Variants in BAAT observed in about 807,000 individuals in gnomAD.
BAAT encodes bile acid CoA: amino acid N-acyltransferase (glycine N-choloyltransferase).
BAAT carries 13 observed loss-of-function variants against 18.9 expected under a neutral mutation model. The ratio of observed to expected loss-of-function variants is 0.69; its 90% confidence interval spans 0.45 to 1.10. The LOEUF is 1.10. BAAT is among the 50% of genes least tolerant of loss of function. The pLI is 0.00. For synonymous variants in BAAT, 170 were observed against 190.7 expected, an observed-to-expected ratio of 0.89 and a Z score of 0.89; for missense variants, 489 against 504.0, an observed-to-expected ratio of 0.97 and a Z score of 0.28.
intron 2 of BAAT, among the ~76,000 whole-genome samples, chr9:101,369,095 G>A (rs1359907012): frequency 6.6e-6 from 1 of 152,084 alleles, no homozygotes. Flanking sequence ...CTCTGTATAG[G>A]CAGCTTTTTT....
At chr9:101,380,030 T>C (rs1172421763) in intron 1 of BAAT, among the ~76,000 whole-genome samples, 2 of 152,212 alleles carry the variant, frequency 1.3e-5, no homozygotes, top group Non-Finnish European at 2.9e-5. Flanking sequence ...GCTAAAGCTG[T>C]ACAATATCAA....
chr9:101,381,453 G>A (rs1048507839), intron 1 of BAAT, among the ~76,000 whole-genome samples: 1 of 152,132 alleles, frequency 6.6e-6, no homozygotes, highest in African/African-American at 2.4e-5. Context: ...GAGCCCAAGA[G>A]GTCAAGGATG....
intron 1 of BAAT, among the ~76,000 whole-genome samples, chr9:101,380,699 G>A (rs542433217): frequency 7.9e-5 from 12 of 152,276 alleles, no homozygotes; most frequent in African/African-American, 2.4e-4. Flanking sequence ...TTAACAGTAG[G>A]AGATATGTCA....
intron 1 of BAAT, among the ~76,000 whole-genome samples, chr9:101,373,544 A>G (rs1379898288): frequency 6.6e-6 from 1 of 152,240 alleles, no homozygotes; most frequent in African/African-American, 2.4e-5. Context: ...AGTCTAGTAT[A>G]AAATGCAAGG....
intron 2 of BAAT, among the ~76,000 whole-genome samples, chr9:101,369,268 ATAAT>A (rs1249208733): frequency 8.6e-5 from 13 of 151,952 alleles, no homozygotes; most frequent in Non-Finnish European, 1.5e-4. Flanking sequence ...AAAAATTACT[ATAAT>A]TAAGTACAAT....
intron 3 of BAAT, among the ~76,000 whole-genome samples, chr9:101,366,374 A>G (rs1829828142): frequency 1.3e-5 from 2 of 152,352 alleles, no homozygotes; most frequent in Admixed American, 1.3e-4. Context: ...GAGTTCTTAG[A>G]AGTTACTTAA....
chr9:101,373,609 T>C (rs1263199476), intron 1 of BAAT, among the ~76,000 whole-genome samples: 1 of 152,224 alleles, frequency 6.6e-6, no homozygotes, highest in Non-Finnish European at 1.5e-5. Flanking sequence ...ACTAATAATA[T>C]ACTCCAGAGA....
chr9:101,376,797 G>T (rs1411486145), intron 1 of BAAT, among the ~76,000 whole-genome samples: 1 of 152,176 alleles, frequency 6.6e-6, no homozygotes, highest in Non-Finnish European at 1.5e-5. Context: ...ATGAATGGAA[G>T]AAATGATATA....
Position 101,364,857 on chromosome 9 carries a change from T to C in BAAT, c.670-1842A>G, listed in dbSNP as rs756872916. On this transcript the variant is annotated intron_variant, in intron 3 of 3. Coordinates refer to ENST00000259407, the MANE Select transcript of BAAT (RefSeq NM_001701.4). ...AGATCATAGGAAGCTTTGTCTAACATGCTAGGAAGCCTGGCCTTTATCCTA... is the reference window on the plus strand; with the variant it reads ...AGATCATAGGAAGCTTTGTCTAACACGCTAGGAAGCCTGGCCTTTATCCTA... Among the ~76,000 whole-genome samples the C allele has an allele frequency of 1.2e-3, 190 of 152,334 alleles. 4 individuals carry two copies. The Middle Eastern group carries it at 0.014, about 11-fold the overall frequency.
At chr9:101,378,076 A>C (rs1830075768) in intron 1 of BAAT, among the ~76,000 whole-genome samples, 2 of 152,236 alleles carry the variant, frequency 1.3e-5, no homozygotes, top group South Asian at 4.1e-4. Context: ...AAGGAGAACT[A>C]CAAACCACTG....
intron 3 of BAAT, among the ~76,000 whole-genome samples, chr9:101,366,873 A>G (rs2119019581): frequency 6.6e-6 from 1 of 152,032 alleles, no homozygotes; most frequent in South Asian, 2.1e-4. Context: ...AAAAAAATAG[A>G]GGCCAAGGCA....
At chr9:101,374,909 T>C (rs1830013529) in intron 1 of BAAT, among the ~76,000 whole-genome samples, 1 of 152,152 alleles carries the variant, frequency 6.6e-6, no homozygotes, top group Non-Finnish European at 1.5e-5. Flanking sequence ...GTTTCTTGAA[T>C]TTCTGTGATG....
chr9:101,364,594 C>T (rs12379847), intron 3 of BAAT, among the ~76,000 whole-genome samples: 3 of 152,154 alleles, frequency 2.0e-5, no homozygotes, highest in Non-Finnish European at 2.9e-5. Flanking sequence ...CATGCAAAAA[C>T]TGAGAGGCAA....
chr9:101,374,675 C>T (rs1342108373), intron 1 of BAAT, among the ~76,000 whole-genome samples: 4 of 152,106 alleles, frequency 2.6e-5, no homozygotes, highest in Non-Finnish European at 5.9e-5. Context: ...CTAAATACCA[C>T]TATCATAAAA....
chr9:101,383,406 A>G (rs1053336801), intron 1 of BAAT: 3 of 152,214 alleles, frequency 2.0e-5, no homozygotes, highest in African/African-American at 7.2e-5. Flanking sequence ...TTAATTCAAG[A>G]GCAGAGATTT....
chr9:101,378,967 A>G (rs1463003348), intron 1 of BAAT, among the ~76,000 whole-genome samples: 2 of 152,232 alleles, frequency 1.3e-5, no homozygotes, highest in Non-Finnish European at 2.9e-5. Flanking sequence ...CAGCCAACAA[A>G]CATATTTAAA....
rs1384776926 is a variant in BAAT, at chr9:101,384,742, C to T, written c.-60+113G>A. Reference sequence around the variant, plus strand: ...TTTGCTGAACTAAAACTATAGGCCACATTTTTGGAGTAAATCTTTAAACAA... The same window carrying T: ...TTTGCTGAACTAAAACTATAGGCCATATTTTTGGAGTAAATCTTTAAACAA... On this transcript the variant is annotated intron_variant, in intron 1 of 3. Transcript: ENST00000259407. 2.6e-5 allele frequency among the ~76,000 whole-genome samples: 4 copies of T among 152,050 alleles called. No individual in the cohort carries two copies. The South Asian group carries it at 6.2e-4, about 24-fold the overall frequency.
In BAAT at chr9:101,371,275, A is replaced by G; in HGVS notation, c.130T>C (p.Phe44Leu). 6.2e-7 allele frequency: 1 copy of G among 1,613,192 alleles called. No homozygotes were observed. The highest frequency in any genetic ancestry group is 8.5e-7 in the Non-Finnish European group (1 of 1,179,286). Residue 44 changes from phenylalanine to leucine, a missense_variant, in exon 2 of 4, where the codon TTT (phenylalanine) becomes CTT (leucine). Physicochemically the swap from Phe to Leu is conservative, Grantham distance 22. Coordinates refer to ENST00000259407, the MANE Select transcript of BAAT (RefSeq NM_001701.4). ...ASLEDENGDM[F>L]YSQAHYRANE... ...GCCCTATAGTGGGCTTGAGAATAAAACATGTCTCCGTTTTCATCTTCCAGT... is the reference window on the plus strand; with the variant it reads ...GCCCTATAGTGGGCTTGAGAATAAAGCATGTCTCCGTTTTCATCTTCCAGT...
chr9:101,368,283 C>T lies in BAAT; in HGVS notation c.506G>A (p.Gly169Asp), dbSNP rs1182137359. 1.2e-5 allele frequency: 19 copies of T among 1,613,154 alleles called. No individual in the cohort carries two copies. The highest frequency in any genetic ancestry group is 1.6e-5 in the Non-Finnish European group (19 of 1,180,004). ...CCGAAATTCAAGCAGCCCACCCAAA[C>T]CACCAAACAAATCAATTACCCCTGG... ...LFPGVIDLFG[G>D]LGGLLEFRAS... The change falls in exon 3 of 4, where the codon GGT becomes GAT. Residue 169 changes from glycine to aspartate, a missense_variant. Physicochemically the swap from Gly to Asp is moderately conservative, Grantham distance 94. Coordinates refer to ENST00000259407, the MANE Select transcript of BAAT (RefSeq NM_001701.4).
Sources: gnomAD v4.1 joint callset for allele counts (sites outside exome capture counted in the v4.1 genomes callset) on GRCh38, gnomAD v4.1.1 for gene constraint, MANE v1.5 for transcripts, NCBI Gene and HGNC (gene_info 2026-07-23, HGNC 2026-07-21) for gene names.